Variants in HABP2 observed in about 807,000 individuals in gnomAD.
HABP2 encodes factor VII-activating protease.
Under a neutral mutation model 66.5 loss-of-function variants are expected in HABP2, and 65 were observed. The ratio of observed to expected loss-of-function variants is 0.98; its 90% CI spans 0.80 to 1.20. The LOEUF (loss-of-function observed/expected upper bound fraction) is 1.20. Ranked by LOEUF, HABP2 falls within the 50% of genes most tolerant of loss-of-function variation. The pLI is 0.00. For missense variants in HABP2, 786 were observed against 691.0 expected, an observed-to-expected ratio of 1.14 and a Z score of -1.54; for synonymous variants, 263 against 253.9, an observed-to-expected ratio of 1.04 and a Z score of -0.34.
At chr10:113,565,324 A>AT (rs199606261) in intron 1 of HABP2, among the ~76,000 whole-genome samples, 3 of 152,128 alleles carry the variant, frequency 2.0e-5, no homozygotes, top group Non-Finnish European at 2.9e-5. Context: ...TGGGTGATGT[A>AT]TTTTTTTTAA....
Position 113,577,237 on chromosome 10 carries a change from AC to A in HABP2, c.422del (p.Pro141LeufsTer49). On this transcript the variant is annotated frameshift_variant, in exon 5 of 13. Transcript: ENST00000351270. LOFTEE classifies it high-confidence loss of function. ...SPPYYRCVCK[H>X]PYTGPSCSQV... ...CCCTACTACCGCTGTGTCTGTAAAC[AC>A]CCTTACACAGGTCCCAGCTGCTCCC... The A allele has an allele frequency of 6.2e-7, 1 of 1,606,148 alleles. No individual in the cohort carries two copies. Among genetic ancestry groups the A allele is most frequent in the Non-Finnish European group, 8.5e-7 (1 of 1,172,772 alleles).
intron 2 of HABP2, chr10:113,570,126 C>A (rs1016826704): frequency 6.6e-6 from 1 of 152,180 alleles, no homozygotes; most frequent in South Asian, 2.1e-4. Context: ...ATTCCAGGAT[C>A]GTAAAAAGGC....
At chr10:113,553,352 C>A (rs1487887300) in intron 1 of HABP2, among the ~76,000 whole-genome samples, 162 bp downstream of exon 1, 6 of 152,244 alleles carry the variant, frequency 3.9e-5, no homozygotes, top group African/African-American at 1.4e-4. Flanking sequence ...GGCTTGGTTT[C>A]TTTTGAGCAG....
chr10:113,572,731 G>C, intron 2 of HABP2: 1 of 453,120 alleles, frequency 2.2e-6, no homozygotes, highest in Non-Finnish European at 4.4e-6. Context: ...GCCCTAAAAA[G>C]GTGGCCTCCC....
chr10:113,556,546 C>T (rs1387925828), intron 1 of HABP2, among the ~76,000 whole-genome samples: 4 of 151,630 alleles, frequency 2.6e-5, no homozygotes, highest in African/African-American at 9.7e-5. Flanking sequence ...CTGTCTCTAT[C>T]AAAAAAAATT....
At chr10:113,565,698 A>G (rs1845185447) in intron 1 of HABP2, among the ~76,000 whole-genome samples, 1 of 152,242 alleles carries the variant, frequency 6.6e-6, no homozygotes, top group Non-Finnish European at 1.5e-5. Context: ...AAACCACAGC[A>G]CTCAATGTCC....
At chr10:113,580,093 T>C (rs184020208) in intron 7 of HABP2, among the ~76,000 whole-genome samples, 16 of 151,444 alleles carry the variant, frequency 1.1e-4, no homozygotes, top group Non-Finnish European at 1.9e-4. Flanking sequence ...AAGATTTTTT[T>C]TTTTCACAAA....
chr10:113,584,611 A>G (rs1845600147), intron 11 of HABP2, among the ~76,000 whole-genome samples: 1 of 152,244 alleles, frequency 6.6e-6, no homozygotes, highest in Non-Finnish European at 1.5e-5. Context: ...TGAGTCAGAC[A>G]GACTGGTATT....
intron 2 of HABP2, chr10:113,569,588 T>C (rs1192736156): frequency 1.3e-5 from 2 of 152,250 alleles, no homozygotes; most frequent in South Asian, 2.1e-4. Flanking sequence ...CAGTCCCCAG[T>C]GGGTGGTGGA....
At chr10:113,558,660 C>T (rs183220818) in intron 1 of HABP2, among the ~76,000 whole-genome samples, 39 of 152,350 alleles carry the variant, frequency 2.6e-4, no homozygotes, top group African/African-American at 8.9e-4. Flanking sequence ...CAGTGGCTCA[C>T]ATCTGATGCC....
chr10:113,559,870 C>T (rs1039318181), intron 1 of HABP2, among the ~76,000 whole-genome samples: 5 of 152,248 alleles, frequency 3.3e-5, no homozygotes, highest in Admixed American at 3.3e-4. Context: ...AGGGAAGCTG[C>T]ACAGAATCCC....
intron 2 of HABP2, among the ~76,000 whole-genome samples, chr10:113,569,028 A>G (rs1334670411): frequency 2.0e-5 from 3 of 152,170 alleles, no homozygotes; most frequent in Admixed American, 2.0e-4. Context: ...TATAGCTTTA[A>G]TCAAACAGAC....
rs759020164 is a variant in HABP2 at position 113,583,417 on chromosome 10, C to T, written c.1237+59C>T. On this transcript the variant is annotated intron_variant, in intron 10 of 12. Transcript: ENST00000351270. ...TTGTCCTGGGTGGATTTCTCTATGA[C>T]CAGAAAGCTGAAGTTTGGTTCTAGA... The T allele has an allele frequency of 1.7e-4, 250 of 1,494,978 alleles. 1 individual carries two copies. Among genetic ancestry groups the T allele is most frequent in the Middle Eastern group, 6.8e-4 (4 of 5,888 alleles). The allele number at this position is 1,494,978 out of a possible 1,614,324, so 92.6% of individuals were successfully genotyped here. A position where few individuals can be genotyped will look rare whatever the true frequency, so the allele number is the denominator to read the frequency against.
At chr10:113,572,536 C>A in intron 2 of HABP2, 2 of 246,974 alleles carry the variant, frequency 8.1e-6, no homozygotes, top group South Asian at 3.9e-5. Flanking sequence ...CTAAGCAATG[C>A]AATCAGCTCC....
intron 2 of HABP2, chr10:113,569,754 CGA>C (rs1230324163): frequency 2.6e-5 from 4 of 152,260 alleles, no homozygotes; most frequent in African/African-American, 9.6e-5. Context: ...TGCCTGCCAG[CGA>C]GAGTGTCTGC....
At chr10:113,559,052 A>G (rs1845052732) in intron 1 of HABP2, among the ~76,000 whole-genome samples, 1 of 152,072 alleles carries the variant, frequency 6.6e-6, no homozygotes, top group African/African-American at 2.4e-5. Flanking sequence ...ACAGGGTTTC[A>G]CCATCCTGGC....
At chr10:113,552,921 G>A, upstream of HABP2, 1 of 521,620 alleles carries the variant, frequency 1.9e-6, no homozygotes, top group South Asian at 2.6e-5. Flanking sequence ...ACTCAGCCCA[G>A]CCCCAAAGTT....
At chr10:113,551,807 AAATAATAAT>A (rs767242914), upstream of HABP2, among the ~76,000 whole-genome samples, 2 of 151,386 alleles carry the variant, frequency 1.3e-5, no homozygotes, top group African/African-American at 4.9e-5. Context: ...CTCTGTCTCA[AAATAATAAT>A]AATAATAATA....
intron 2 of HABP2, among the ~76,000 whole-genome samples, chr10:113,572,354 A>C (rs1053517244): frequency 6.6e-6 from 1 of 152,178 alleles, no homozygotes; most frequent in Admixed American, 6.5e-5. Flanking sequence ...AATCTTCCCC[A>C]TTTCTAAATA....
Sources: allele counts gnomAD v4.1 joint callset (sites outside exome capture counted in the v4.1 genomes callset), GRCh38; gene constraint gnomAD v4.1.1; transcripts MANE v1.5; gene names NCBI Gene and HGNC (gene_info 2026-07-23, HGNC 2026-07-21).